Variants in ZNF565 observed in about 807,000 individuals in gnomAD.
ZNF565 encodes zinc finger protein 565.
Under a neutral mutation model 39.4 loss-of-function variants are expected in ZNF565, and 27 were observed. The ratio of observed to expected loss-of-function variants is 0.69; its 90% CI spans 0.51 to 0.95. The LOEUF is 0.95. Ranked by LOEUF, ZNF565 falls within the 40% of genes least tolerant of loss-of-function variation. ZNF565 has a pLI of 0.00. For missense variants in ZNF565, 524 were observed against 621.1 expected (o/e 0.84, Z 1.66); for synonymous variants, 185 against 216.6 (o/e 0.85, Z 1.28).
intron 2 of ZNF565, among the ~76,000 whole-genome samples, chr19:36,200,557 C>T (rs573205565): frequency 6.0e-5 from 9 of 148,868 alleles, no homozygotes; most frequent in African/African-American, 1.7e-4. Context: ...GGCGTAATCT[C>T]GGCTCACTGC....
chr19:36,236,479 A>G (rs574023719), intron 1 of ZNF565: 1 of 1,612,254 alleles, frequency 6.2e-7, no homozygotes, highest in Non-Finnish European at 8.5e-7. Flanking sequence ...ACAGTGGGGA[A>G]AACCCCTTTG....
chr19:36,228,758 C>A (rs781374836), intron 1 of ZNF565: 8 of 152,174 alleles, frequency 5.3e-5, no homozygotes, highest in Non-Finnish European at 1.2e-4. Context: ...TTAATATGAT[C>A]CTCTGTTGAA....
chr19:36,240,869 CAA>C (rs72407392), intron 1 of ZNF565, among the ~76,000 whole-genome samples: 78 of 134,812 alleles, frequency 5.8e-4, no homozygotes, highest in Non-Finnish European at 4.7e-4. Context: ...GACTCTATCT[CAA>C]AAAAAAAAAA....
rs1378424707 is a variant in ZNF565, at chr19:36,183,541, T to TA, written c.424dup (p.Tyr142LeufsTer23). 6.2e-7 allele frequency: 1 copy of TA among 1,614,104 alleles called. No homozygotes were observed. Among genetic ancestry groups the TA allele is most frequent in the Non-Finnish European group, 8.5e-7 (1 of 1,180,052 alleles). On this transcript the variant is annotated frameshift_variant, in exon 5 of 5. Transcript: ENST00000304116. LOFTEE classifies it low-confidence loss of function (END_TRUNC). ...ATGCTGGAACACGGGCATATGTCCA[T>TA]AGGTGACGTTCACTTGCTTAAAATA...
intron 1 of ZNF565, among the ~76,000 whole-genome samples, chr19:36,235,408 A>G (rs1568437025): frequency 6.6e-6 from 1 of 152,144 alleles, no homozygotes; most frequent in Non-Finnish European, 1.5e-5. Flanking sequence ...TTTTCTACCT[A>G]GATCACCTCA....
chr19:36,225,360 G>A (rs1349930764), intron 1 of ZNF565, among the ~76,000 whole-genome samples: 3 of 152,096 alleles, frequency 2.0e-5, no homozygotes. Flanking sequence ...GTTTTCTGTC[G>A]ATTCCCTTCT....
chr19:36,190,997 A>AC (rs1375342879), intron 4 of ZNF565, among the ~76,000 whole-genome samples: 1 of 151,210 alleles, frequency 6.6e-6, no homozygotes, highest in East Asian at 1.9e-4. Flanking sequence ...GTCTCAAAAA[A>AC]AAAAAAAAAA....
At chr19:36,221,754 C>T (rs2432045) in intron 1 of ZNF565, among the ~76,000 whole-genome samples, 56,546 of 151,178 alleles carry the variant, frequency 0.37, 10,744 homozygotes, top group South Asian at 0.49. Flanking sequence ...TTGTTTGCTT[C>T]TTGTTTATCC....
chr19:36,239,037 C>T (rs892671579), intron 1 of ZNF565, among the ~76,000 whole-genome samples: 3 of 152,332 alleles, frequency 2.0e-5, no homozygotes, highest in African/African-American at 7.2e-5. Context: ...GAAAACATCC[C>T]ATCCCCATTC....
intron 2 of ZNF565, among the ~76,000 whole-genome samples, chr19:36,195,939 A>ATAT (rs1555737042): frequency 7.1e-6 from 1 of 141,580 alleles, no homozygotes; most frequent in African/African-American, 2.6e-5. Flanking sequence ...AAGATGAAGA[A>ATAT]TTTTTTTTTT....
In ZNF565 at chr19:36,194,221, GCCCTCGC is replaced by G. The variant is rs1257566679; in HGVS notation, c.232+5_232+11del. 2 of 1,603,896 alleles carry G rather than the reference GCCCTCGC, an allele frequency of 1.2e-6. No homozygotes were observed. Among genetic ancestry groups the G allele is most frequent in the Non-Finnish European group, 1.7e-6 (2 of 1,174,668 alleles). The stretch of plus-strand genomic sequence containing the variant: ...CAGGGACCTTCCCCTGTCGAAATCG[GCCCTCGC>G]TTACCTGGGCACCATGGTCCTGTCA... On this transcript the variant is annotated splice_donor_5th_base_variant and intron_variant, in intron 4 of 4. Transcript: ENST00000304116.
chr19:36,193,239 T>C (rs570625259), intron 4 of ZNF565, among the ~76,000 whole-genome samples: 1 of 151,842 alleles, frequency 6.6e-6, no homozygotes, highest in African/African-American at 2.4e-5. Context: ...CGCCTCAGCC[T>C]CCCAAAGTGC....
intron 2 of ZNF565, among the ~76,000 whole-genome samples, chr19:36,198,204 G>A (rs1402803254): frequency 6.6e-6 from 1 of 152,018 alleles, no homozygotes; most frequent in African/African-American, 2.4e-5. Flanking sequence ...CTGCAGCACT[G>A]TCCACAATAG....
chr19:36,195,757 G>A (rs1395802599), intron 2 of ZNF565, among the ~76,000 whole-genome samples: 1 of 145,858 alleles, frequency 6.9e-6, no homozygotes, highest in Non-Finnish European at 1.5e-5. Context: ...TGTTGGTCAG[G>A]CTGGTCTCGA....
chr19:36,211,299 C>T (rs536350307), intron 1 of ZNF565, among the ~76,000 whole-genome samples: 3 of 151,718 alleles, frequency 2.0e-5, no homozygotes, highest in South Asian at 2.1e-4. Context: ...AATTATTAGC[C>T]GGGCGTGGTG....
chr19:36,221,930 T>TC (rs1000970984), intron 1 of ZNF565, among the ~76,000 whole-genome samples: 9 of 76,370 alleles, frequency 1.2e-4, no homozygotes, highest in Non-Finnish European at 2.1e-4. Context: ...TTTCTTTCTT[T>TC]TTTTTTTTTT....
At chr19:36,226,548 TTCTC>T (rs1170999507) in intron 1 of ZNF565, among the ~76,000 whole-genome samples, 2 of 152,236 alleles carry the variant, frequency 1.3e-5, no homozygotes, top group Admixed American at 6.5e-5. Flanking sequence ...TTATTTTTCC[TTCTC>T]TCTTTCTCCA....
intron 1 of ZNF565, among the ~76,000 whole-genome samples, chr19:36,202,673 C>T (rs1214783902): frequency 1.3e-5 from 2 of 152,156 alleles, no homozygotes; most frequent in African/African-American, 4.8e-5. Flanking sequence ...AGGATGAGGA[C>T]AGCACCATCA....
At chr19:36,192,623 C>T (rs1975600441) in intron 4 of ZNF565, among the ~76,000 whole-genome samples, 1 of 151,956 alleles carries the variant, frequency 6.6e-6, no homozygotes, top group Non-Finnish European at 1.5e-5. Flanking sequence ...CACCTGTAAT[C>T]CTAGCTACTC....
Sources: gnomAD v4.1 joint callset for allele counts (sites outside exome capture counted in the v4.1 genomes callset) on GRCh38, gnomAD v4.1.1 for gene constraint, MANE v1.5 for transcripts, NCBI Gene and HGNC (gene_info 2026-07-23, HGNC 2026-07-21) for gene names.